The following C5orf46 variants were observed in gnomAD, a reference collection of about 807,000 sequenced individuals.
The protein encoded by C5orf46 is chromosome 5 open reading frame 46.
C5orf46 carries 9 observed loss-of-function variants against 8.9 expected under a neutral mutation model. That is an observed-to-expected ratio of 1.01 (90% confidence interval 0.61 to 1.76). C5orf46 has a LOEUF of 1.76. Among genes scored for constraint, C5orf46 ranks in the 40% most tolerant of loss-of-function variants. The pLI is 0.00. For missense variants in C5orf46, 98 were observed against 107.8 expected (o/e 0.91, Z 0.40); for synonymous variants, 47 against 41.4 (o/e 1.14, Z -0.52).
chr5:147,897,085 C>G (rs1013677090), intron 2 of C5orf46, 44 bp from the exon 3 acceptor site: 14 of 967,712 alleles, frequency 1.4e-5, no homozygotes, highest in Admixed American at 4.2e-5. Context: ...TGAGACTGAA[C>G]AGGAGTGTTA....
intron 1 of C5orf46, 104 bp downstream of exon 1, chr5:147,906,328 C>A (rs1274898891): frequency 1.6e-6 from 1 of 626,432 alleles, no homozygotes; most frequent in East Asian, 2.9e-5. Context: ...TCTGGAGTGC[C>A]CAAAGACCCC....
intron 2 of C5orf46, 60 bp downstream of exon 2, chr5:147,901,569 A>G: frequency 6.6e-7 from 1 of 1,516,862 alleles, no homozygotes. Flanking sequence ...CCATGAGGTC[A>G]TTGTGTGGTC....
chr5:147,886,359 T>C (rs556834268), intron 2 of C5orf46: 31 of 152,242 alleles, frequency 2.0e-4, no homozygotes, highest in African/African-American at 7.0e-4. Context: ...TGGATTGCTC[T>C]GTATGATTTC....
intron 1 of C5orf46, among the ~76,000 whole-genome samples, chr5:147,902,071 C>T (rs1757680839): frequency 6.6e-6 from 1 of 152,140 alleles, no homozygotes; most frequent in Non-Finnish European, 1.5e-5. Flanking sequence ...CAGAGTTAAG[C>T]AGCCAGTAAG....
At chr5:147,888,219 G>A (rs1468006763), downstream of C5orf46, among the ~76,000 whole-genome samples, 2 of 152,130 alleles carry the variant, frequency 1.3e-5, no homozygotes, top group African/African-American at 4.8e-5. Flanking sequence ...CCTTCCACAT[G>A]GTTCTGTCTG....
chr5:147,898,396 G>A (rs542846521), intron 2 of C5orf46, among the ~76,000 whole-genome samples: 100 of 152,216 alleles, frequency 6.6e-4, no homozygotes, highest in African/African-American at 2.3e-3. Context: ...TGGATTCTGG[G>A]TGGATGATGA....
downstream of C5orf46, among the ~76,000 whole-genome samples, chr5:147,888,626 G>A (rs1044144618): frequency 6.6e-6 from 1 of 152,086 alleles, no homozygotes; most frequent in African/African-American, 2.4e-5. Context: ...CTCAGCACAT[G>A]TCTCCCTTCC....
downstream of C5orf46, among the ~76,000 whole-genome samples, chr5:147,890,234 A>G (rs1757482552): frequency 6.6e-6 from 1 of 152,194 alleles, no homozygotes; most frequent in Non-Finnish European, 1.5e-5. Context: ...ACTTGAAAGC[A>G]AAAATCATGA....
intron 2 of C5orf46, among the ~76,000 whole-genome samples, chr5:147,900,125 A>C (rs1390211828): frequency 1.3e-5 from 2 of 152,272 alleles, no homozygotes; most frequent in African/African-American, 4.8e-5. Context: ...ATTCAACTGG[A>C]GTCTAATCTT....
At chr5:147,893,625 C>A (rs1757536192) in intron 3 of C5orf46, among the ~76,000 whole-genome samples, 1 of 151,790 alleles carries the variant, frequency 6.6e-6, no homozygotes, top group Admixed American at 6.6e-5. Flanking sequence ...TTACCACAAC[C>A]TCTGCCTCCC....
chr5:147,890,387 C>G (rs1236475333), downstream of C5orf46, among the ~76,000 whole-genome samples: 1 of 151,976 alleles, frequency 6.6e-6, no homozygotes, highest in Non-Finnish European at 1.5e-5. Flanking sequence ...CATGATTGCA[C>G]CAGAAACATT....
intron 2 of C5orf46, among the ~76,000 whole-genome samples, chr5:147,899,876 A>T (rs1580985927): frequency 6.6e-6 from 1 of 152,306 alleles, no homozygotes; most frequent in East Asian, 1.9e-4. Flanking sequence ...AATAATTTCT[A>T]GCAACAGAAA....
At chr5:147,886,736 T>C (rs1757426042) in intron 2 of C5orf46, 1 of 151,132 alleles carries the variant, frequency 6.6e-6, no homozygotes, top group Non-Finnish European at 1.5e-5. Flanking sequence ...ATTTATATAA[T>C]GTATATTATA....
chr5:147,893,843 C>T (rs1221133685), intron 3 of C5orf46, among the ~76,000 whole-genome samples: 1 of 152,052 alleles, frequency 6.6e-6, no homozygotes, highest in Non-Finnish European at 1.5e-5. Context: ...GCATGAGGCA[C>T]TATGCCCAGC....
chr5:147,889,514 C>T (rs10036880), downstream of C5orf46, among the ~76,000 whole-genome samples: 27,617 of 152,060 alleles, frequency 0.18, 2,863 homozygotes, highest in Admixed American at 0.28. Flanking sequence ...AGAAAACATT[C>T]TGTCAATTAG....
chr5:147,902,862 G>A (rs1757692986), intron 1 of C5orf46, among the ~76,000 whole-genome samples: 1 of 152,152 alleles, frequency 6.6e-6, no homozygotes, highest in African/African-American at 2.4e-5. Flanking sequence ...TTTTACAAAT[G>A]TTGTGTAATT....
At chr5:147,897,489 G>A (rs1166396867) in intron 2 of C5orf46, among the ~76,000 whole-genome samples, 2 of 152,138 alleles carry the variant, frequency 1.3e-5, no homozygotes, top group African/African-American at 4.8e-5. Context: ...TTAAAAATTT[G>A]GCTCTCCAGA....
At chr5:147,896,033 G>A (rs1374219605) in intron 3 of C5orf46, among the ~76,000 whole-genome samples, 2 of 152,208 alleles carry the variant, frequency 1.3e-5, no homozygotes, top group Non-Finnish European at 2.9e-5. Context: ...GAAAGGCCAT[G>A]CTTCCTGAAT....
At chr5:147,888,966 A>G (rs996410389), downstream of C5orf46, among the ~76,000 whole-genome samples, 9 of 152,278 alleles carry the variant, frequency 5.9e-5, no homozygotes, top group African/African-American at 2.2e-4. Context: ...GAGTGGCTAC[A>G]TTTTGAAGGC....
Sources: gnomAD v4.1 joint callset for allele counts (sites outside exome capture counted in the v4.1 genomes callset) on GRCh38, gnomAD v4.1.1 for gene constraint, MANE v1.5 for transcripts, NCBI Gene and HGNC (gene_info 2026-07-23, HGNC 2026-07-21) for gene names.